SRGAP3: variants seen among roughly 807,000 people sequenced by gnomAD.
The protein encoded by SRGAP3 is SLIT-ROBO Rho GTPase-activating protein 3.
Under a neutral mutation model 121.1 loss-of-function variants are expected in SRGAP3, and 39 were observed. The observed-to-expected ratio is 0.32, with a 90% confidence interval of 0.25 to 0.42. SRGAP3 has a LOEUF of 0.42. Ranked by LOEUF, SRGAP3 falls within the 10% of genes least tolerant of loss-of-function variation. The pLI, the probability that SRGAP3 is intolerant of heterozygous loss-of-function variation, is 1.00. For synonymous variants in SRGAP3, 601 were observed against 570.0 expected (o/e 1.05, Z -0.77); for missense variants, 1,213 against 1,470.6 (o/e 0.82, Z 2.86).
chr3:9,348,100 C>T (rs1464205440), intron 1 of SRGAP3, among the ~76,000 whole-genome samples: 2 of 152,124 alleles, frequency 1.3e-5, no homozygotes, highest in Admixed American at 1.3e-4. Flanking sequence ...TCAGTAGCAC[C>T]AAAATTGGGT....
chr3:9,062,337 TC>T (rs1165120262), intron 5 of SRGAP3, among the ~76,000 whole-genome samples: 1 of 152,212 alleles, frequency 6.6e-6, no homozygotes, highest in African/African-American at 2.4e-5. Context: ...CCTCTGGACT[TC>T]CAGTCAGCAC....
chr3:9,233,283 T>C (rs933257727), intron 1 of SRGAP3, among the ~76,000 whole-genome samples: 1 of 152,250 alleles, frequency 6.6e-6, no homozygotes, highest in Non-Finnish European at 1.5e-5. Flanking sequence ...TGAGCCGTGA[T>C]TGAACCCCGG....
chr3:9,115,981 G>T (rs77390001), intron 2 of SRGAP3, among the ~76,000 whole-genome samples: 10,209 of 152,180 alleles, frequency 0.067, 407 homozygotes, highest in African/African-American at 0.08. Flanking sequence ...AATACACTAG[G>T]ACCAAACTGA....
chr3:9,146,628 C>A (rs1422681192), intron 1 of SRGAP3, among the ~76,000 whole-genome samples: 1 of 152,116 alleles, frequency 6.6e-6, no homozygotes, highest in Non-Finnish European at 1.5e-5. Flanking sequence ...GAAAGCTTGG[C>A]AGAGTTAAGG....
At chr3:9,331,475 T>C (rs1955607148) in intron 1 of SRGAP3, among the ~76,000 whole-genome samples, 2 of 152,220 alleles carry the variant, frequency 1.3e-5, no homozygotes, top group Non-Finnish European at 2.9e-5. Flanking sequence ...CTGGCTCAGA[T>C]GGCAACTATG....
intron 3 of SRGAP3, among the ~76,000 whole-genome samples, chr3:9,304,382 T>A (rs1460632524): frequency 6.6e-6 from 1 of 152,190 alleles, no homozygotes; most frequent in East Asian, 1.9e-4. Flanking sequence ...TCTCCTGCCA[T>A]AATTCTCAAA....
chr3:9,147,833 A>G (rs1293129223), intron 1 of SRGAP3, among the ~76,000 whole-genome samples: 2 of 152,120 alleles, frequency 1.3e-5, no homozygotes, highest in Non-Finnish European at 2.9e-5. Flanking sequence ...AGAGCCACTA[A>G]AGCAGATGAC....
At chr3:8,987,495 C>T (rs1428526163) in intron 21 of SRGAP3, among the ~76,000 whole-genome samples, 1 of 152,200 alleles carries the variant, frequency 6.6e-6, no homozygotes, top group Non-Finnish European at 1.5e-5. Context: ...GGGGCCGGCC[C>T]CTTTCTGCAC....
At chr3:9,343,814 G>A (rs1208668610) in intron 1 of SRGAP3, among the ~76,000 whole-genome samples, 3 of 152,108 alleles carry the variant, frequency 2.0e-5, no homozygotes, top group Non-Finnish European at 2.9e-5. Context: ...GGACTACAGC[G>A]CACAGTATCA....
chr3:9,082,129 CCTCTCA>C (rs970328973), intron 3 of SRGAP3, among the ~76,000 whole-genome samples: 1 of 152,112 alleles, frequency 6.6e-6, no homozygotes, highest in African/African-American at 2.4e-5. Flanking sequence ...GGCACCTGCG[CCTCTCA>C]CTCTCTCTCT....
intron 1 of SRGAP3, among the ~76,000 whole-genome samples, chr3:9,170,253 G>A (rs991992930): frequency 6.6e-6 from 1 of 152,142 alleles, no homozygotes. Context: ...GGAAGTTTTT[G>A]AGCCTGCCGA....
chr3:9,069,399 C>CAGCG, intron 4 of SRGAP3, among the ~76,000 whole-genome samples: 2 of 152,152 alleles, frequency 1.3e-5, no homozygotes, highest in Non-Finnish European at 2.9e-5. Context: ...TGCAGGAGCT[C>CAGCG]AGCTGAGGCC....
intron 1 of SRGAP3, among the ~76,000 whole-genome samples, chr3:9,343,723 T>G (rs1559285725): frequency 6.6e-6 from 1 of 152,148 alleles, no homozygotes; most frequent in African/African-American, 2.4e-5. Context: ...CAGGCTAGAG[T>G]GCAGACACAC....
At chr3:9,079,830 T>C (rs1947156013) in intron 4 of SRGAP3, among the ~76,000 whole-genome samples, 195 bp downstream of exon 4, 1 of 152,244 alleles carries the variant, frequency 6.6e-6, no homozygotes, top group African/African-American at 2.4e-5. Flanking sequence ...GCCCAGGCCC[T>C]GCCCCAGATG....
At chr3:9,105,383 G>C (rs1417201656) in intron 2 of SRGAP3, among the ~76,000 whole-genome samples, 1 of 152,192 alleles carries the variant, frequency 6.6e-6, no homozygotes, top group Non-Finnish European at 1.5e-5. Flanking sequence ...GGCTAGGAGG[G>C]CTCAGATTCT....
intron 3 of SRGAP3, among the ~76,000 whole-genome samples, chr3:9,291,251 T>A (rs1954863951): frequency 6.6e-6 from 1 of 152,174 alleles, no homozygotes; most frequent in East Asian, 1.9e-4. Flanking sequence ...ATGCTGCGAA[T>A]TGTCACCTAT....
chr3:9,189,666 A>G (rs992173498), intron 1 of SRGAP3, among the ~76,000 whole-genome samples: 1 of 152,188 alleles, frequency 6.6e-6, no homozygotes, highest in African/African-American at 2.4e-5. Flanking sequence ...CTATATTCAG[A>G]ATAGTCTGAG....
intron 1 of SRGAP3, among the ~76,000 whole-genome samples, chr3:9,211,013 G>T (rs907554752): frequency 6.6e-6 from 1 of 152,116 alleles, no homozygotes; most frequent in African/African-American, 2.4e-5. Context: ...TAATGACAAT[G>T]TTCTCTCCAG....
intron 3 of SRGAP3, among the ~76,000 whole-genome samples, chr3:9,091,107 C>A (rs1375961876): frequency 6.6e-6 from 1 of 152,052 alleles, no homozygotes; most frequent in African/African-American, 2.4e-5. Context: ...CACACACATA[C>A]GCCCTTTCAT....
Sources: gnomAD v4.1 joint callset for allele counts (sites outside exome capture counted in the v4.1 genomes callset) on GRCh38, gnomAD v4.1.1 for gene constraint, MANE v1.5 for transcripts, NCBI Gene and HGNC (gene_info 2026-07-23, HGNC 2026-07-21) for gene names.